Variants in CENPP observed in about 807,000 individuals in gnomAD.
CENPP encodes the protein centromere protein P.
Under a neutral mutation model 35.6 loss-of-function variants are expected in CENPP, and 24 were observed. The observed-to-expected ratio is 0.67, with a 90% CI of 0.49 to 0.95. The LOEUF (loss-of-function observed/expected upper bound fraction) is 0.95, where lower values mean the gene tolerates loss of function less well. Ranked by LOEUF, CENPP falls within the 40% of genes least tolerant of loss-of-function variation. The pLI, the probability that CENPP is intolerant of heterozygous loss-of-function variation, is 0.00. For missense variants in CENPP, 332 were observed against 345.3 expected (o/e 0.96, Z 0.31); for synonymous variants, 120 against 125.5 (o/e 0.96, Z 0.29).
At chr9:92,506,992 C>T (rs561473025) in intron 5 of CENPP, among the ~76,000 whole-genome samples, 56 of 152,280 alleles carry the variant, frequency 3.7e-4, no homozygotes, top group Admixed American at 1.1e-3. Flanking sequence ...ACTGCAACCT[C>T]CGCCTCCCGG....
chr9:92,516,072 T>TCCCCCCCC (rs76297691), intron 5 of CENPP, among the ~76,000 whole-genome samples: 3 of 139,686 alleles, frequency 2.1e-5, no homozygotes, highest in African/African-American at 7.8e-5. Context: ...TACTTTTTTT[T>TCCCCCCCC]CCCCCCCCCG....
chr9:92,344,590 C>T (rs1266648415), intron 3 of CENPP, among the ~76,000 whole-genome samples: 1 of 152,014 alleles, frequency 6.6e-6, no homozygotes, highest in African/African-American at 2.4e-5. Context: ...CTCTGTTGCG[C>T]AGGCTGTAGT....
intron 5 of CENPP, among the ~76,000 whole-genome samples, chr9:92,549,782 G>T (rs1044685382): frequency 3.3e-5 from 5 of 152,162 alleles, no homozygotes; most frequent in Non-Finnish European, 4.4e-5. Flanking sequence ...CCCTAAGATA[G>T]TGCTGTTAGG....
At chr9:92,517,842 G>GTTAT (rs1340398036) in intron 5 of CENPP, 2 of 1,614,032 alleles carry the variant, frequency 1.2e-6, no homozygotes, top group Non-Finnish European at 1.7e-6. Context: ...GTTGTACATG[G>GTTAT]TTATGCCCTT....
At chr9:92,340,458 A>G (rs1445290757) in intron 3 of CENPP, 1 of 152,180 alleles carries the variant, frequency 6.6e-6, no homozygotes, top group East Asian at 1.9e-4. Flanking sequence ...GGAAAGTATC[A>G]AATAGTAATT....
At chr9:92,384,554 T>C (rs1588078205) in intron 5 of CENPP, 3 of 152,318 alleles carry the variant, frequency 2.0e-5, no homozygotes, top group African/African-American at 7.2e-5. Context: ...TGAGTCATCA[T>C]AAATTATTAC....
chr9:92,586,220 CT>C (rs1183400462), intron 5 of CENPP, among the ~76,000 whole-genome samples: 2 of 152,206 alleles, frequency 1.3e-5, no homozygotes, highest in South Asian at 2.1e-4. Context: ...TAATTTTGTA[CT>C]TTTAGTAGAG....
intron 5 of CENPP, among the ~76,000 whole-genome samples, chr9:92,546,449 G>A (rs1378458405): frequency 6.6e-6 from 1 of 152,134 alleles, no homozygotes; most frequent in Non-Finnish European, 1.5e-5. Context: ...GGGAAGATCT[G>A]CAGCTTCGCT....
chr9:92,385,612 A>G (rs41297183), intron 5 of CENPP: 64,456 of 1,611,268 alleles, frequency 0.04, 1,574 homozygotes, highest in South Asian at 0.077. Context: ...ATGTTGTACC[A>G]ATAGAGGTTA....
chr9:92,525,564 A>G (rs1351751731), intron 5 of CENPP, among the ~76,000 whole-genome samples: 1 of 152,180 alleles, frequency 6.6e-6, no homozygotes, highest in Non-Finnish European at 1.5e-5. Flanking sequence ...TGATGCTGGT[A>G]TAAACAAACC....
intron 5 of CENPP, among the ~76,000 whole-genome samples, chr9:92,390,294 A>G (rs1588085758): frequency 6.7e-6 from 1 of 149,814 alleles, no homozygotes; most frequent in South Asian, 2.1e-4. Flanking sequence ...AAGTGATCTT[A>G]AAGTTAATCG....
intron 1 of CENPP, among the ~76,000 whole-genome samples, chr9:92,330,089 T>A (rs912212977): frequency 6.6e-6 from 1 of 152,226 alleles, no homozygotes; most frequent in Non-Finnish European, 1.5e-5. Context: ...GAGCATTGGT[T>A]AATGTAGTAG....
At chr9:92,566,158 G>A (rs904016779) in intron 5 of CENPP, among the ~76,000 whole-genome samples, 10 of 151,808 alleles carry the variant, frequency 6.6e-5, no homozygotes, top group Non-Finnish European at 1.2e-4. Flanking sequence ...AAAATTAGCC[G>A]GGCGTGATGT....
At chr9:92,418,634 A>G (rs1843692359) in intron 5 of CENPP, among the ~76,000 whole-genome samples, 1 of 152,118 alleles carries the variant, frequency 6.6e-6, no homozygotes, top group African/African-American at 2.4e-5. Context: ...AAAGACCTTT[A>G]TTTTAGTTAG....
At chr9:92,345,558 C>A in intron 3 of CENPP, 141 bp from the exon 4 acceptor site, 2 of 522,706 alleles carry the variant, frequency 3.8e-6, no homozygotes, top group Non-Finnish European at 6.8e-6. Flanking sequence ...TGAGATTGAA[C>A]TTTTTTTGTT....
chr9:92,374,838 T>A (rs1489414472), intron 4 of CENPP, among the ~76,000 whole-genome samples: 4 of 152,258 alleles, frequency 2.6e-5, no homozygotes, highest in African/African-American at 7.2e-5. Context: ...TTTTTTCCTT[T>A]TAGCCTGAAG....
At chr9:92,342,828 T>A (rs944600467) in intron 3 of CENPP, among the ~76,000 whole-genome samples, 9 of 151,940 alleles carry the variant, frequency 5.9e-5, no homozygotes. Context: ...TATACCAACT[T>A]GTGTATGTAT....
chr9:92,365,554 G>T (rs868535571), intron 4 of CENPP, among the ~76,000 whole-genome samples: 4 of 151,712 alleles, frequency 2.6e-5, no homozygotes, highest in Admixed American at 6.6e-5. Flanking sequence ...GGGATTACAG[G>T]CATCCACCAC....
chr9:92,429,544 T>G (rs1463117542), intron 5 of CENPP, among the ~76,000 whole-genome samples: 1 of 152,130 alleles, frequency 6.6e-6, no homozygotes, highest in East Asian at 1.9e-4. Flanking sequence ...CCCAGGACCT[T>G]GGGAGGCTGA....
Sources: allele counts gnomAD v4.1 joint callset (sites outside exome capture counted in the v4.1 genomes callset), GRCh38; gene constraint gnomAD v4.1.1; transcripts MANE v1.5; gene names NCBI Gene and HGNC (gene_info 2026-07-23, HGNC 2026-07-21).